SLC8A2: variants seen among roughly 807,000 people sequenced by gnomAD.
SLC8A2 encodes sodium/calcium exchanger 2.
Under a neutral mutation model 70.2 loss-of-function variants are expected in SLC8A2, and 14 were observed. That is an observed-to-expected ratio of 0.20 (90% CI 0.13 to 0.31). The LOEUF is 0.31. Ranked by LOEUF, SLC8A2 falls within the 10% of genes least tolerant of loss-of-function variation. The pLI is 1.00. For missense variants in SLC8A2, 779 were observed against 1,320.1 expected, an observed-to-expected ratio of 0.59 and a Z score of 6.35; for synonymous variants, 575 against 594.3, an observed-to-expected ratio of 0.97 and a Z score of 0.47.
chr19:47,469,112 C>CTG (rs72382596), intron 1 of SLC8A2, among the ~76,000 whole-genome samples: 1 of 128,732 alleles, frequency 7.8e-6, no homozygotes, highest in East Asian at 2.2e-4. Flanking sequence ...AGGAGCATGC[C>CTG]TGTGTGCGTG....
Position 47,447,059 on chromosome 19 carries a change from C to T in SLC8A2, c.1763+750G>A, listed in dbSNP as rs1350932365. Among the ~76,000 whole-genome samples, 1 of 151,364 alleles carries T rather than the reference C, an allele frequency of 6.6e-6. No individual in the cohort carries two copies. Among genetic ancestry groups the T allele is most frequent in the Non-Finnish European group, 1.5e-5 (1 of 67,718 alleles). Reference sequence around the variant, plus strand: ...AGCACCATCTTTTCCCAAATCCTCGCCCAGATTCGCGTTAGGTGCCCCGCT... The same window carrying T: ...AGCACCATCTTTTCCCAAATCCTCGTCCAGATTCGCGTTAGGTGCCCCGCT... On this transcript the variant is annotated intron_variant, in intron 4 of 9. Coordinates refer to ENST00000236877, the MANE Select transcript of SLC8A2 (RefSeq NM_015063.3). The surrounding 1 kb of genome is among the most constrained non-coding windows in gnomAD (Gnocchi z 5.1).
At chr19:47,431,657 C>CAAAAAA (rs774813485) in intron 9 of SLC8A2, among the ~76,000 whole-genome samples, 2 of 47,272 alleles carry the variant, frequency 4.2e-5, no homozygotes, top group African/African-American at 9.1e-5. Flanking sequence ...GTCCCCACAC[C>CAAAAAA]AAAAAAAAAA....
In SLC8A2 at chr19:47,446,473, G is replaced by A. The variant is rs971692304; in HGVS notation, c.1763+1336C>T. Among the ~76,000 whole-genome samples the A allele has an allele frequency of 7.9e-5, 12 of 152,268 alleles. No homozygotes were observed. In the East Asian group the frequency reaches 2.1e-3, roughly 27 times the overall value. On this transcript the variant is annotated intron_variant, in intron 4 of 9. Coordinates refer to ENST00000236877, the MANE Select transcript of SLC8A2 (RefSeq NM_015063.3). ...AGACAGGGTCTCACTGTGTCGCCCAGGCTGGAGTGCAGTGGGTGATCACAG... is the reference window on the plus strand; with the variant it reads ...AGACAGGGTCTCACTGTGTCGCCCAAGCTGGAGTGCAGTGGGTGATCACAG...
At position 47,447,682 on chromosome 19, in the gene SLC8A2, T is replaced by G; in HGVS notation, c.1763+127A>C. 2.0e-6 allele frequency: 2 copies of G among 1,006,118 alleles called. No individual in the cohort carries two copies. The highest frequency in any genetic ancestry group is 2.7e-6 in the Non-Finnish European group (2 of 737,146). The allele number at this position is 1,006,118 out of a possible 1,614,324, so 62.3% of individuals were successfully genotyped here. On this transcript the variant is annotated intron_variant, in intron 4 of 9. Transcript: ENST00000236877. This position sits in a 1 kb window ranked among gnomAD's most constrained non-coding sequence, Gnocchi z 5.1. ...GGCACGGCCACGCAGGCCCCTCCCC[T>G]CCCGAGGCCCAACCAAGACCCGCCC...
Position 47,448,244 on chromosome 19 carries a change from G to T in SLC8A2, c.1341-13C>A. ...CAGCGTGCCCTCGCTGCGGCGGGGT[G>T]GGGAGGGGGAAGAGCGGGGTGAGGG... On this transcript the variant is annotated splice_polypyrimidine_tract_variant and intron_variant, in intron 3 of 9. Coordinates refer to ENST00000236877, the MANE Select transcript of SLC8A2 (RefSeq NM_015063.3). This position sits in a 1 kb window ranked among gnomAD's most constrained non-coding sequence, Gnocchi z 4.8. 1.3e-6 allele frequency: 2 copies of T among 1,578,292 alleles called. No individual in the cohort carries two copies. The highest frequency in any genetic ancestry group is 1.7e-6 in the Non-Finnish European group (2 of 1,158,914).
At chr19:47,436,788 T>C (rs748565119) in intron 8 of SLC8A2, among the ~76,000 whole-genome samples, 2 of 152,014 alleles carry the variant, frequency 1.3e-5, no homozygotes, top group Non-Finnish European at 2.9e-5. Flanking sequence ...TGGGTACAAG[T>C]GTCGTAGTGT....
At chr19:47,444,193 C>T (rs537109677) in intron 4 of SLC8A2, among the ~76,000 whole-genome samples, 2 of 152,100 alleles carry the variant, frequency 1.3e-5, no homozygotes, top group South Asian at 2.1e-4. Flanking sequence ...AGCACCTGGC[C>T]CGCCCTTCTT....
rs562218408 is a variant in SLC8A2, at chr19:47,441,875, G to A, written c.1764-435C>T. 3.9e-4 allele frequency among the ~76,000 whole-genome samples: 59 copies of A among 152,272 alleles called. 1 individual carries two copies. Among genetic ancestry groups the A allele is most frequent in the Admixed American group, 1.9e-3 (29 of 15,294 alleles). ...TCCCAGCACTTTGGGAGGCCGAGGC[G>A]GGCGGATCACGAGGTCAAGAGATTG... On this transcript the variant is annotated intron_variant, in intron 4 of 9. Transcript: ENST00000236877.
intron 2 of SLC8A2, among the ~76,000 whole-genome samples, chr19:47,459,015 C>G (rs1182407408): frequency 6.7e-6 from 1 of 149,600 alleles, no homozygotes; most frequent in African/African-American, 2.5e-5. Flanking sequence ...TCTCTCTCTC[C>G]TTGCTCCCGT....
At chr19:47,450,815 A>G (rs1241101224) in intron 3 of SLC8A2, among the ~76,000 whole-genome samples, 2 of 152,008 alleles carry the variant, frequency 1.3e-5, no homozygotes, top group Non-Finnish European at 2.9e-5. Context: ...GGAATGGGCT[A>G]ATAATAGTGT....
At chr19:47,453,017 AG>A (rs1417719965) in intron 3 of SLC8A2, among the ~76,000 whole-genome samples, 1 of 152,190 alleles carries the variant, frequency 6.6e-6, no homozygotes, top group Non-Finnish European at 1.5e-5. Flanking sequence ...TGGTCAACAG[AG>A]TGAGATGCAG....
At position 47,466,829 on chromosome 19, in the gene SLC8A2, G is replaced by A. The variant is rs1212305031; in HGVS notation, c.-16-410C>T. Among the ~76,000 whole-genome samples, 1 of 152,174 alleles carries A rather than the reference G, an allele frequency of 6.6e-6. No individual in the cohort carries two copies. The highest frequency in any genetic ancestry group is 1.5e-5 in the Non-Finnish European group (1 of 68,032). On this transcript the variant is annotated intron_variant, in intron 1 of 9. Coordinates refer to ENST00000236877, the MANE Select transcript of SLC8A2 (RefSeq NM_015063.3). This position sits in a 1 kb window ranked among gnomAD's most constrained non-coding sequence, Gnocchi z 6.9. ...CGCCTGTAATCCCTGAACTTTGGGAGGCTGAGGTGGGTGGATCAGGAGTTT... is the reference window on the plus strand; with the variant it reads ...CGCCTGTAATCCCTGAACTTTGGGAAGCTGAGGTGGGTGGATCAGGAGTTT...
intron 2 of SLC8A2, among the ~76,000 whole-genome samples, chr19:47,458,436 GT>G (rs1427143977): frequency 1.0e-5 from 1 of 97,682 alleles, no homozygotes; most frequent in Non-Finnish European, 1.9e-5. Flanking sequence ...CGAGTTCTCC[GT>G]TTCCCCCCAT....
rs901835488 is a variant in SLC8A2, at chr19:47,468,050, C to T, written c.-16-1631G>A. 6.6e-6 allele frequency among the ~76,000 whole-genome samples: 1 copy of T among 151,782 alleles called. No individual in the cohort carries two copies. Among genetic ancestry groups the T allele is most frequent in the Admixed American group, 6.6e-5 (1 of 15,202 alleles). On this transcript the variant is annotated intron_variant, in intron 1 of 9. Coordinates refer to ENST00000236877, the MANE Select transcript of SLC8A2 (RefSeq NM_015063.3). This position sits in a 1 kb window ranked among gnomAD's most constrained non-coding sequence, Gnocchi z 5.1. ...AAACAAAGCCCACAAATCAGCTTGC[C>T]TCATCCCCCTACTGTTCAGAACCCC...
rs1186842402 is a variant in SLC8A2, at chr19:47,465,521, C to G, written c.675+208G>C. The stretch of plus-strand genomic sequence containing the variant: ...CAGAGATATGGCTGGGTAGCATCAG[C>G]AGGACTCCAGCCCCTCCAGCAGGAC... On this transcript the variant is annotated intron_variant, in intron 2 of 9. Coordinates refer to ENST00000236877, the MANE Select transcript of SLC8A2 (RefSeq NM_015063.3). This position sits in a 1 kb window ranked among gnomAD's most constrained non-coding sequence, Gnocchi z 5.5. Among the ~76,000 whole-genome samples the G allele has an allele frequency of 1.3e-5, 2 of 152,158 alleles. No homozygotes were observed. The highest frequency in any genetic ancestry group is 4.8e-5 in the African/African-American group (2 of 41,458).
At position 47,430,128 on chromosome 19, in the gene SLC8A2, G is replaced by C. The variant is rs775904402; in HGVS notation, c.2727C>G (p.Phe909Leu). 1.3e-6 allele frequency: 2 copies of C among 1,592,190 alleles called. No individual in the cohort carries two copies. Among genetic ancestry groups the C allele is most frequent in the Non-Finnish European group, 1.7e-6 (2 of 1,169,330 alleles). ...TGTGGCAGTACGCCTCCAGGCTGGCGAAGAGGATGTACAGGAGCCAGAGGC... is the reference window on the plus strand; with the variant it reads ...TGTGGCAGTACGCCTCCAGGCTGGCCAAGAGGATGTACAGGAGCCAGAGGC... Reference protein sequence around the residue: ...FLGLWLLYILFASLEAYCHIR... With the variant: ...FLGLWLLYILLASLEAYCHIR... Residue 909 changes from phenylalanine (F) to leucine (L), a missense_variant, in exon 10 of 10, where the codon TTC (phenylalanine) becomes TTG (leucine). This residue lies in a region of SLC8A2 where 108 missense variants were observed against 269.6 expected (regional missense o/e 0.40). Transcript: ENST00000236877. The surrounding 1 kb of genome is among the most constrained non-coding windows in gnomAD (Gnocchi z 5.9).
chr19:47,463,056 G>A (rs1245357348), intron 2 of SLC8A2, among the ~76,000 whole-genome samples: 3 of 151,996 alleles, frequency 2.0e-5, no homozygotes, highest in African/African-American at 7.2e-5. Context: ...ATAGATGCCT[G>A]CATCTGGCTC....
chr19:47,432,134 A>C lies in SLC8A2; in HGVS notation c.2389+33T>G, dbSNP rs1966971211. On this transcript the variant is annotated intron_variant, in intron 9 of 9. Transcript: ENST00000236877. This position sits in a 1 kb window ranked among gnomAD's most constrained non-coding sequence, Gnocchi z 6.2. ...GTTGCCCCTGCCTGGCTCATCTGAG[A>C]TCCTACCCCACCAAAGTCTCCCAGG... 1.3e-6 allele frequency: 2 copies of C among 1,567,760 alleles called. No individual in the cohort carries two copies. The highest frequency in any genetic ancestry group is 8.7e-7 in the Non-Finnish European group (1 of 1,154,166).
intron 2 of SLC8A2, among the ~76,000 whole-genome samples, chr19:47,459,711 G>A (rs2248265): frequency 0.11 from 16,346 of 150,000 alleles, 916 homozygotes; most frequent in Middle Eastern, 0.17. Context: ...CTGTGTGTGC[G>A]CGCATGTGTG....
Sources: gnomAD v4.1 joint callset for allele counts (sites outside exome capture counted in the v4.1 genomes callset) on GRCh38, gnomAD v4.1.1 for gene constraint, gnomAD v4.1.1 regional missense constraint, Gnocchi (gnomAD v3.1) non-coding constraint, MANE v1.5 for transcripts, NCBI Gene and HGNC (gene_info 2026-07-23, HGNC 2026-07-21) for gene names.